ANXA4: variants seen among roughly 807,000 people sequenced by gnomAD.
ANXA4 encodes the protein 35-beta calcimedin.
A neutral mutation model predicts 49.8 loss-of-function variants in ANXA4; 39 were observed. That is an observed-to-expected ratio of 0.78 (90% confidence interval 0.61 to 1.02). The LOEUF (loss-of-function observed/expected upper bound fraction) is 1.02. ANXA4 is among the 50% of genes least tolerant of loss of function. ANXA4 has a pLI of 0.00. For synonymous variants in ANXA4, 134 were observed against 152.5 expected (o/e 0.88, Z 0.89); for missense variants, 360 against 410.1 (o/e 0.88, Z 1.05).
chr2:69,706,567 G>A (rs1678507005), intron 2 of ANXA4, among the ~76,000 whole-genome samples: 1 of 152,024 alleles, frequency 6.6e-6, no homozygotes, highest in Non-Finnish European at 1.5e-5. Context: ...CTCCCAAAGT[G>A]CTGGGATTAC....
At chr2:69,676,348 G>C (rs1677413106) in intron 2 of ANXA4, among the ~76,000 whole-genome samples, 1 of 152,086 alleles carries the variant, frequency 6.6e-6, no homozygotes, top group Admixed American at 6.5e-5. Flanking sequence ...TTGGTAATTA[G>C]TTAACTAGTT....
At chr2:69,766,184 C>T (rs764009357) in intron 1 of ANXA4, among the ~76,000 whole-genome samples, 9 of 152,188 alleles carry the variant, frequency 5.9e-5, no homozygotes, top group East Asian at 1.9e-4. Flanking sequence ...GAACTCTATA[C>T]GCCACAGATG....
At chr2:69,737,225 T>A (rs573131619), upstream of ANXA4, among the ~76,000 whole-genome samples, 1 of 152,364 alleles carries the variant, frequency 6.6e-6, no homozygotes, top group East Asian at 1.9e-4. Flanking sequence ...CCTGGGTACT[T>A]GTAAGATCTT....
At chr2:69,741,762 C>T (rs1475221290), upstream of ANXA4, among the ~76,000 whole-genome samples, 3 of 152,228 alleles carry the variant, frequency 2.0e-5, no homozygotes, top group African/African-American at 7.2e-5. Context: ...GGCCCGGGCT[C>T]GGCCCTCCGA....
chr2:69,780,755 A>G (rs1162313526), intron 1 of ANXA4, among the ~76,000 whole-genome samples: 1 of 152,084 alleles, frequency 6.6e-6, no homozygotes, highest in Non-Finnish European at 1.5e-5. Context: ...AAAACAAGAA[A>G]AGAGAAGGTG....
At chr2:69,660,779 A>G (rs988384802) in intron 2 of ANXA4, among the ~76,000 whole-genome samples, 14 of 151,440 alleles carry the variant, frequency 9.2e-5, no homozygotes, top group Admixed American at 2.6e-4. Flanking sequence ...AGGGAGGGAG[A>G]GAGAGAGAGA....
intron 12 of ANXA4, 125 bp downstream of exon 12, chr2:69,820,946 G>A (rs1220690473): frequency 4.5e-5 from 47 of 1,040,152 alleles, no homozygotes; most frequent in East Asian, 8.1e-5. Flanking sequence ...TTATGCTCCC[G>A]ATATTTCCAG....
At chr2:69,814,116 T>C (rs1302790122) in intron 8 of ANXA4, among the ~76,000 whole-genome samples, 1 of 151,802 alleles carries the variant, frequency 6.6e-6, no homozygotes, top group Non-Finnish European at 1.5e-5. Flanking sequence ...TCCATTCAGT[T>C]TGTGAGGTAT....
At chr2:69,706,021 A>T (rs920133865) in intron 2 of ANXA4, among the ~76,000 whole-genome samples, 1 of 151,968 alleles carries the variant, frequency 6.6e-6, no homozygotes, top group Non-Finnish European at 1.5e-5. Context: ...ATTAAAAAAT[A>T]TATATATCTG....
intron 2 of ANXA4, among the ~76,000 whole-genome samples, chr2:69,677,328 C>T (rs948462911): frequency 6.6e-6 from 1 of 152,034 alleles, no homozygotes; most frequent in Non-Finnish European, 1.5e-5. Flanking sequence ...CTCCTGGGTT[C>T]GAGTGGTTCT....
intron 8 of ANXA4, chr2:69,814,785 TGTGTGTGTGA>T (rs70954362): frequency 0.13 from 15,373 of 114,338 alleles, 805 homozygotes; most frequent in Admixed American, 0.17. Flanking sequence ...TGTGTGTGTG[TGTGTGTGTGA>T]GAGAAAGAGA....
chr2:69,788,033 A>G (rs1030503492), intron 2 of ANXA4, 21 bp from the exon 3 acceptor site: 5 of 1,608,752 alleles, frequency 3.1e-6, no homozygotes, highest in East Asian at 2.2e-5. Context: ...TCTCAGTAAC[A>G]TCACTCTCTT....
intron 1 of ANXA4, among the ~76,000 whole-genome samples, chr2:69,651,822 G>C (rs1411815175): frequency 9.1e-4 from 60 of 66,028 alleles, no homozygotes; most frequent in African/African-American, 3.4e-3. Context: ...TTTTTTGGGG[G>C]GGGGGGGCGG....
intron 1 of ANXA4, among the ~76,000 whole-genome samples, chr2:69,758,509 C>G (rs1362935384): frequency 6.6e-6 from 1 of 152,172 alleles, no homozygotes; most frequent in African/African-American, 2.4e-5. Context: ...GTAGTCCCAG[C>G]TACTCAACAG....
chr2:69,662,114 G>A (rs1389599011), intron 2 of ANXA4, among the ~76,000 whole-genome samples: 2 of 152,198 alleles, frequency 1.3e-5, no homozygotes, highest in Admixed American at 6.5e-5. Context: ...GTCACTTGGT[G>A]TTATCCAGCT....
At chr2:69,685,970 G>A (rs1677771671) in intron 2 of ANXA4, among the ~76,000 whole-genome samples, 1 of 152,170 alleles carries the variant, frequency 6.6e-6, no homozygotes, top group African/African-American at 2.4e-5. Flanking sequence ...ATGTGTGATA[G>A]CATGCCATTA....
At chr2:69,774,333 C>A (rs1432517740) in intron 1 of ANXA4, among the ~76,000 whole-genome samples, 1 of 120,882 alleles carries the variant, frequency 8.3e-6, no homozygotes, top group Non-Finnish European at 1.7e-5. Context: ...AGGAGCCCCC[C>A]CCCCCCCTTT....
intron 1 of ANXA4, among the ~76,000 whole-genome samples, chr2:69,768,967 C>A (rs1334250188): frequency 6.6e-6 from 1 of 152,022 alleles, no homozygotes; most frequent in Non-Finnish European, 1.5e-5. Flanking sequence ...AAAAACCAGC[C>A]AACTGAAATT....
intron 2 of ANXA4, among the ~76,000 whole-genome samples, chr2:69,705,881 A>G (rs957187334): frequency 6.6e-6 from 1 of 152,162 alleles, no homozygotes; most frequent in African/African-American, 2.4e-5. Context: ...GCAGTGAGCT[A>G]AGATCATGCC....
Sources: gnomAD v4.1 joint callset for allele counts (sites outside exome capture counted in the v4.1 genomes callset) on GRCh38, gnomAD v4.1.1 for gene constraint, MANE v1.5 for transcripts, NCBI Gene and HGNC (gene_info 2026-07-23, HGNC 2026-07-21) for gene names.